The following CHL1 variants were observed in gnomAD, a reference collection of about 807,000 sequenced individuals.
CHL1 encodes the protein cell adhesion molecule L1 like.
In CHL1, 96 loss-of-function variants were observed where a neutral mutation model predicts 141.9. That is an observed-to-expected ratio of 0.68 (90% confidence interval 0.57 to 0.80). CHL1 has a LOEUF of 0.80. Ranked by LOEUF, CHL1 falls within the 30% of genes least tolerant of loss-of-function variation. The pLI, the probability that CHL1 is intolerant of heterozygous loss-of-function variation, is 0.00. For synonymous variants in CHL1, 613 were observed against 502.2 expected (o/e 1.22, Z -2.95); for missense variants, 1,820 against 1,457.2 (o/e 1.25, Z -4.05).
At chr3:347,332 T>C (rs1287099241) in intron 9 of CHL1, among the ~76,000 whole-genome samples, 1 of 152,144 alleles carries the variant, frequency 6.6e-6, no homozygotes, top group Non-Finnish European at 1.5e-5. Flanking sequence ...CATTAAGCAA[T>C]ATATTTTCCC....
intron 27 of CHL1, among the ~76,000 whole-genome samples, chr3:402,865 C>T (rs1709253696): frequency 6.6e-6 from 1 of 152,162 alleles, no homozygotes; most frequent in Non-Finnish European, 1.5e-5. Context: ...GTGATCATTA[C>T]TATTGTATTA....
chr3:362,283 G>A (rs1704336402), intron 13 of CHL1, among the ~76,000 whole-genome samples: 1 of 152,042 alleles, frequency 6.6e-6, no homozygotes, highest in Non-Finnish European at 1.5e-5. Flanking sequence ...TTATCAATAT[G>A]GATCTACCTT....
At chr3:377,678 T>G in intron 15 of CHL1, 140 bp from the exon 16 acceptor site, 1 of 664,860 alleles carries the variant, frequency 1.5e-6, no homozygotes, top group Non-Finnish European at 2.4e-6. Context: ...TGTGGCATTC[T>G]CTAATCAAAT....
chr3:389,446 G>A lies in CHL1; in HGVS notation c.2442G>A (p.Gln814=), dbSNP rs143586839. Residue 814 remains glutamine (Q), a synonymous_variant, in exon 20 of 28, where the codon CAG becomes CAA. Transcript: ENST00000256509. Reference sequence around the variant, plus strand: ...AACTAGGATCTGGGCCTGACCCTCAGTCAGTGACTCTCTATTCTGGAGAAG... The same window carrying A: ...AACTAGGATCTGGGCCTGACCCTCAATCAGTGACTCTCTATTCTGGAGAAG... ...INQLGSGPDP[Q]SVTLYSGEDY... 1.9e-5 allele frequency: 30 copies of A among 1,614,072 alleles called. No individual in the cohort carries two copies. Among genetic ancestry groups the A allele is most frequent in the Non-Finnish European group, 2.4e-5 (28 of 1,180,032 alleles).
At chr3:231,466 A>C (rs1221831679) in intron 1 of CHL1, among the ~76,000 whole-genome samples, 1 of 152,172 alleles carries the variant, frequency 6.6e-6, no homozygotes. Context: ...TTGCAAAGTA[A>C]GACTGGATTA....
chr3:367,069 C>T (rs1413873030), intron 15 of CHL1, among the ~76,000 whole-genome samples: 2 of 152,142 alleles, frequency 1.3e-5, no homozygotes, highest in Non-Finnish European at 2.9e-5. Context: ...TAAAAGAGAA[C>T]ATATAGAGGA....
intron 2 of CHL1, among the ~76,000 whole-genome samples, chr3:317,463 G>A (rs185054905): frequency 4.0e-5 from 6 of 151,888 alleles, no homozygotes; most frequent in African/African-American, 7.2e-5. Flanking sequence ...CGATCTCCTA[G>A]TAGCATAATA....
At chr3:245,854 T>C (rs1226666313) in intron 2 of CHL1, among the ~76,000 whole-genome samples, 1 of 152,128 alleles carries the variant, frequency 6.6e-6, no homozygotes, top group African/African-American at 2.4e-5. Context: ...TGAAAAACAT[T>C]TGATCTCTTC....
chr3:327,992 A>G (rs73817618), intron 4 of CHL1, among the ~76,000 whole-genome samples, 175 bp from the exon 5 acceptor site: 2,604 of 152,198 alleles, frequency 0.017, 78 homozygotes, highest in African/African-American at 0.06. Context: ...TTTTATGGAC[A>G]GTAATATTTC....
intron 1 of CHL1, among the ~76,000 whole-genome samples, chr3:238,674 C>T (rs183196772): frequency 1.5e-4 from 23 of 152,068 alleles, no homozygotes; most frequent in Admixed American, 1.4e-3. Flanking sequence ...CCTATAATCC[C>T]AGCACTTTGG....
At chr3:253,061 T>C (rs1439559157) in intron 2 of CHL1, among the ~76,000 whole-genome samples, 2 of 152,162 alleles carry the variant, frequency 1.3e-5, no homozygotes, top group Non-Finnish European at 2.9e-5. Context: ...TTACTAGTAA[T>C]GTGTGCTTTT....
intron 4 of CHL1, among the ~76,000 whole-genome samples, chr3:327,623 A>G (rs1004967204): frequency 1.3e-5 from 2 of 152,036 alleles, no homozygotes; most frequent in Non-Finnish European, 2.9e-5. Flanking sequence ...TAATTAAATT[A>G]GTAACCATAT....
intron 2 of CHL1, among the ~76,000 whole-genome samples, chr3:301,804 G>C (rs1043102569): frequency 6.6e-6 from 1 of 152,170 alleles, no homozygotes; most frequent in Non-Finnish European, 1.5e-5. Context: ...AGAACATGCA[G>C]TTTTGATATA....
intron 25 of CHL1, 78 bp downstream of exon 25, chr3:398,463 T>G (rs1708859772): frequency 1.3e-6 from 1 of 798,468 alleles, no homozygotes; most frequent in African/African-American, 1.7e-5. Flanking sequence ...CTGTGTCCTA[T>G]ATTAAACATA....
intron 5 of CHL1, among the ~76,000 whole-genome samples, chr3:335,552 G>A (rs980764805): frequency 5.3e-5 from 8 of 152,146 alleles, no homozygotes; most frequent in South Asian, 2.1e-4. Context: ...TGAGCAATTC[G>A]CCAAGCATAT....
intron 26 of CHL1, among the ~76,000 whole-genome samples, chr3:401,305 G>T (rs1391947017): frequency 6.6e-6 from 1 of 152,152 alleles, no homozygotes; most frequent in East Asian, 1.9e-4. Flanking sequence ...TTAGTAATTT[G>T]GTCTTCACTG....
chr3:282,272 C>T (rs1696732032), intron 2 of CHL1, among the ~76,000 whole-genome samples: 1 of 152,202 alleles, frequency 6.6e-6, no homozygotes, highest in Admixed American at 6.5e-5. Context: ...CCTGTTACTT[C>T]TTTCCTCCTT....
At position 202,556 on chromosome 3, in the gene CHL1, C is replaced by T. The variant is rs1349926126; in HGVS notation, c.-175+5493C>T. On this transcript the variant is annotated intron_variant, in intron 1 of 27. Coordinates refer to ENST00000256509, the MANE Select transcript of CHL1 (RefSeq NM_006614.4). ...CAATTACAGTCTCTGTGGATGGTGA[C>T]TAGAAATCTGGATTTTTGAAAACTT... Among the ~76,000 whole-genome samples, 5 of 152,142 alleles carry T rather than the reference C, an allele frequency of 3.3e-5. No individual in the cohort carries two copies. In the South Asian group the frequency reaches 6.2e-4, roughly 19 times the overall value.
intron 3 of CHL1, among the ~76,000 whole-genome samples, chr3:321,113 T>A (rs1700528860): frequency 6.6e-6 from 1 of 152,106 alleles, no homozygotes; most frequent in Admixed American, 6.6e-5. Flanking sequence ...TATAATATAA[T>A]GTATTTAAAA....
Sources: gnomAD v4.1 joint callset for allele counts (sites outside exome capture counted in the v4.1 genomes callset) on GRCh38, gnomAD v4.1.1 for gene constraint, MANE v1.5 for transcripts, NCBI Gene and HGNC (gene_info 2026-07-23, HGNC 2026-07-21) for gene names.